The following PKNOX2 variants were observed in gnomAD, a reference collection of about 807,000 sequenced individuals.
The protein encoded by PKNOX2 is homeobox protein PKNOX2.
PKNOX2 carries 14 observed loss-of-function variants against 53.1 expected under a neutral mutation model. That is an observed-to-expected ratio of 0.26 (90% CI 0.17 to 0.41). PKNOX2 has a LOEUF of 0.41. Among genes scored for constraint, PKNOX2 ranks in the 10% least tolerant of loss-of-function variants. The probability of loss-of-function intolerance (pLI) is 1.00; values close to 1 mark genes in which losing one functional copy is unlikely to be tolerated. For missense variants in PKNOX2, 496 were observed against 602.8 expected (o/e 0.82, Z 1.85); for synonymous variants, 257 against 242.8 (o/e 1.06, Z -0.54).
chr11:125,417,156 C>T (rs937609753), intron 10 of PKNOX2, among the ~76,000 whole-genome samples: 4 of 152,136 alleles, frequency 2.6e-5, no homozygotes, highest in African/African-American at 7.2e-5. Flanking sequence ...GAGTCCTCCT[C>T]TTGGAGGGTG....
intron 1 of PKNOX2, among the ~76,000 whole-genome samples, chr11:125,178,672 AAGAAAGAGAGAG>A (rs1336641853): frequency 3.5e-5 from 4 of 114,972 alleles, no homozygotes; most frequent in African/African-American, 1.9e-4. Flanking sequence ...GAAGGAAGGA[AAGAAAGAGAGAG>A]AGAGAGAGAG....
chr11:125,203,944 A>G (rs1300795263), intron 1 of PKNOX2, among the ~76,000 whole-genome samples: 1 of 152,084 alleles, frequency 6.6e-6, no homozygotes, highest in Non-Finnish European at 1.5e-5. Context: ...CACTTTCACC[A>G]TCTGAGTAGA....
chr11:125,314,991 A>T (rs188845333), intron 2 of PKNOX2, among the ~76,000 whole-genome samples: 1 of 152,156 alleles, frequency 6.6e-6, no homozygotes, highest in East Asian at 1.9e-4. Flanking sequence ...CTTTGTGGCC[A>T]GCAAGTCACA....
At chr11:125,216,648 T>C (rs561550425) in intron 1 of PKNOX2, among the ~76,000 whole-genome samples, 55 of 152,292 alleles carry the variant, frequency 3.6e-4, no homozygotes, top group Admixed American at 3.5e-3. Flanking sequence ...AGAGGTGCCT[T>C]TCTCAGAGTT....
chr11:125,364,320 C>T (rs148592271), intron 4 of PKNOX2, among the ~76,000 whole-genome samples: 1,619 of 152,342 alleles, frequency 0.011, 13 homozygotes, highest in Middle Eastern at 0.058. Flanking sequence ...AGTCATCGTC[C>T]TCCTCAGACC....
chr11:125,226,777 T>C (rs1941733132), intron 1 of PKNOX2, among the ~76,000 whole-genome samples: 1 of 138,216 alleles, frequency 7.2e-6, no homozygotes. Flanking sequence ...TTTTTTTTCC[T>C]TTTTTTTTTT....
intron 3 of PKNOX2, among the ~76,000 whole-genome samples, chr11:125,340,640 A>G (rs1413091260): frequency 1.3e-5 from 2 of 152,212 alleles, no homozygotes; most frequent in Admixed American, 6.5e-5. Context: ...ATTCTATATT[A>G]TCATCTCACC....
intron 2 of PKNOX2, among the ~76,000 whole-genome samples, chr11:125,269,035 C>T (rs1945578623): frequency 6.6e-6 from 1 of 152,116 alleles, no homozygotes; most frequent in South Asian, 2.1e-4. Flanking sequence ...AAGGTGGTCC[C>T]TGGAACAGTG....
intron 1 of PKNOX2, among the ~76,000 whole-genome samples, chr11:125,206,465 A>G (rs1939124098): frequency 6.6e-6 from 1 of 152,076 alleles, no homozygotes; most frequent in African/African-American, 2.4e-5. Context: ...GTGGCAAGAG[A>G]TGAGTGGGAA....
chr11:125,254,643 A>C (rs1425487488), intron 2 of PKNOX2, among the ~76,000 whole-genome samples: 1 of 152,192 alleles, frequency 6.6e-6, no homozygotes, highest in African/African-American at 2.4e-5. Flanking sequence ...TCACAACCGC[A>C]TTGTGACACT....
intron 2 of PKNOX2, among the ~76,000 whole-genome samples, chr11:125,260,858 G>C (rs1239999921): frequency 6.6e-6 from 1 of 152,202 alleles, no homozygotes; most frequent in African/African-American, 2.4e-5. Context: ...GTGAGAAACA[G>C]GAGAAACTAG....
intron 1 of PKNOX2, among the ~76,000 whole-genome samples, chr11:125,195,483 C>T (rs1017783455): frequency 2.0e-5 from 3 of 151,764 alleles, no homozygotes; most frequent in East Asian, 3.9e-4. Flanking sequence ...AGTGGGGAGG[C>T]GGGGAGGTCT....
At chr11:125,174,008 C>T (rs1955519015) in intron 1 of PKNOX2, among the ~76,000 whole-genome samples, 1 of 152,190 alleles carries the variant, frequency 6.6e-6, no homozygotes, top group Non-Finnish European at 1.5e-5. Flanking sequence ...TCACGGTCCT[C>T]AGTCCACAGT....
chr11:125,416,618 C>T (rs1223435960), intron 10 of PKNOX2, among the ~76,000 whole-genome samples: 1 of 152,048 alleles, frequency 6.6e-6, no homozygotes, highest in Non-Finnish European at 1.5e-5. Flanking sequence ...ACGAGCACTG[C>T]TGACTTTCAG....
At chr11:125,405,021 G>C (rs912578999) in intron 7 of PKNOX2, among the ~76,000 whole-genome samples, 1 of 152,228 alleles carries the variant, frequency 6.6e-6, no homozygotes, top group Non-Finnish European at 1.5e-5. Flanking sequence ...TGGTGAGTGT[G>C]GTCTGAGCCG....
At chr11:125,189,017 G>T (rs1161983962) in intron 1 of PKNOX2, among the ~76,000 whole-genome samples, 1 of 152,050 alleles carries the variant, frequency 6.6e-6, no homozygotes, top group Admixed American at 6.6e-5. Flanking sequence ...ATGGTCTGAT[G>T]GAAGACACCT....
intron 2 of PKNOX2, among the ~76,000 whole-genome samples, chr11:125,261,046 G>A (rs1944806942): frequency 6.6e-6 from 1 of 152,130 alleles, no homozygotes; most frequent in South Asian, 2.1e-4. Context: ...GTAAGTGATA[G>A]GGATTTAAAT....
intron 1 of PKNOX2, among the ~76,000 whole-genome samples, chr11:125,195,748 C>T (rs796169795): frequency 1.4e-4 from 22 of 152,202 alleles, no homozygotes; most frequent in Admixed American, 5.2e-4. Context: ...GCAGTCCCAT[C>T]GGCAGATGGC....
chr11:125,411,235 C>T (rs867670164), intron 9 of PKNOX2: 5 of 309,282 alleles, frequency 1.6e-5, no homozygotes, highest in Middle Eastern at 2.1e-3. Context: ...TGATAAGTCA[C>T]CTAACCTCTC....
Sources: gnomAD v4.1 joint callset for allele counts (sites outside exome capture counted in the v4.1 genomes callset) on GRCh38, gnomAD v4.1.1 for gene constraint, MANE v1.5 for transcripts, NCBI Gene and HGNC (gene_info 2026-07-23, HGNC 2026-07-21) for gene names.